RANBP17: variants seen among roughly 807,000 people sequenced by gnomAD.
RANBP17 encodes the protein ran-binding protein 17.
Under a neutral mutation model 141.2 loss-of-function variants are expected in RANBP17, and 158 were observed. The observed-to-expected ratio is 1.12, with a 90% CI of 0.98 to 1.28. RANBP17 has a LOEUF of 1.28. Among genes scored for constraint, RANBP17 ranks in the 50% most tolerant of loss-of-function variants. The probability of loss-of-function intolerance (pLI) is 0.00; values close to 1 mark genes in which losing one functional copy is unlikely to be tolerated. For missense variants in RANBP17, 1,438 were observed against 1,290.7 expected, an observed-to-expected ratio of 1.11 and a Z score of -1.75; for synonymous variants, 430 against 450.0, an observed-to-expected ratio of 0.96 and a Z score of 0.56.
Position 170,886,119 on chromosome 5 carries a change from T to C in RANBP17, c.256+4223T>C, listed in dbSNP as rs1438553724. Among the ~76,000 whole-genome samples, 8 of 152,188 alleles carry C rather than the reference T, an allele frequency of 5.3e-5. No individual in the cohort carries two copies. In the East Asian group the frequency reaches 1.5e-3, roughly 29 times the overall value. On this transcript the variant is annotated intron_variant, in intron 3 of 27. Transcript: ENST00000523189. ...CTCTTCCATAGTGTTGACAATCCTT[T>C]TTATACAGTACCGTGTGTACCGTGT...
At chr5:171,071,470 AAGTCAAGCCAGTGG>A (rs1208519218) in intron 14 of RANBP17, among the ~76,000 whole-genome samples, 2 of 152,026 alleles carry the variant, frequency 1.3e-5, no homozygotes, top group African/African-American at 2.4e-5. Flanking sequence ...AAGGCTACAT[AAGTCAAGCCAGTGG>A]GGTCCTGGCC....
intron 14 of RANBP17, among the ~76,000 whole-genome samples, chr5:170,979,745 A>G (rs1396183790): frequency 6.6e-6 from 1 of 152,210 alleles, no homozygotes; most frequent in Non-Finnish European, 1.5e-5. Flanking sequence ...AAGTCCAGTA[A>G]ACATCTTTCT....
At chr5:171,175,559 T>A (rs1240894939) in intron 16 of RANBP17, among the ~76,000 whole-genome samples, 1 of 151,984 alleles carries the variant, frequency 6.6e-6, no homozygotes, top group Non-Finnish European at 1.5e-5. Flanking sequence ...ATATCCAGAA[T>A]CTACAAGGAA....
chr5:170,991,673 A>C (rs1381707151), intron 14 of RANBP17, among the ~76,000 whole-genome samples: 1 of 151,970 alleles, frequency 6.6e-6, no homozygotes. Context: ...TCTGCGTATC[A>C]GTTTCCTAAC....
chr5:171,033,805 T>C (rs1019911842), intron 14 of RANBP17, among the ~76,000 whole-genome samples: 2 of 152,168 alleles, frequency 1.3e-5, no homozygotes, highest in African/African-American at 4.8e-5. Context: ...GTACTGACTT[T>C]GGAGATAAGA....
intron 14 of RANBP17, among the ~76,000 whole-genome samples, chr5:171,104,757 AT>A (rs1335868050): frequency 1.3e-5 from 2 of 152,230 alleles, no homozygotes; most frequent in African/African-American, 4.8e-5. Flanking sequence ...TACTTACCTT[AT>A]AGGTCTAATG....
In RANBP17 at chr5:171,282,407, CCTT is replaced by C. The variant is rs1191718691; in HGVS notation, c.2944-11473_2944-11471del. On this transcript the variant is annotated intron_variant, in intron 25 of 27. Transcript: ENST00000523189. ...GAAGGCACAGGAGCCAAGCAGGAAA[CCTT>C]CTGTGTCTGTGGCTTCCCAATCCTA... Among the ~76,000 whole-genome samples the C allele has an allele frequency of 7.9e-5, 12 of 152,254 alleles. No homozygotes were observed. In the East Asian group the frequency reaches 1.5e-3, roughly 20 times the overall value.
chr5:171,144,408 G>A (rs1423955687), intron 14 of RANBP17, among the ~76,000 whole-genome samples: 2 of 151,960 alleles, frequency 1.3e-5, no homozygotes, highest in African/African-American at 4.8e-5. Flanking sequence ...GTAAGAAATA[G>A]GGTGCCATTG....
chr5:171,148,199 G>T (rs549499475), intron 14 of RANBP17, among the ~76,000 whole-genome samples: 1 of 152,030 alleles, frequency 6.6e-6, no homozygotes, highest in Non-Finnish European at 1.5e-5. Context: ...CAGCATGCTC[G>T]TTAAGAGTCA....
At chr5:171,018,248 G>T (rs1780594132) in intron 14 of RANBP17, among the ~76,000 whole-genome samples, 1 of 151,930 alleles carries the variant, frequency 6.6e-6, no homozygotes, top group Non-Finnish European at 1.5e-5. Flanking sequence ...GCTCTTTTTT[G>T]GTTCTATATG....
intron 2 of RANBP17, among the ~76,000 whole-genome samples, chr5:170,878,837 A>G (rs369931225): frequency 1.5e-4 from 23 of 152,148 alleles, no homozygotes; most frequent in African/African-American, 5.1e-4. Flanking sequence ...AGAGTTGTCA[A>G]ACTTTTTCTG....
At chr5:171,188,781 G>A (rs568166720) in intron 18 of RANBP17, among the ~76,000 whole-genome samples, 25 of 152,208 alleles carry the variant, frequency 1.6e-4, no homozygotes, top group African/African-American at 5.5e-4. Flanking sequence ...TAGCACTATC[G>A]GAGCCTGCAC....
chr5:170,983,487 CAT>C (rs1245182737), intron 14 of RANBP17, among the ~76,000 whole-genome samples: 1 of 152,088 alleles, frequency 6.6e-6, no homozygotes, highest in Admixed American at 6.5e-5. Flanking sequence ...AATACAGTAT[CAT>C]AAATATGTTA....
At chr5:170,976,837 C>T (rs1777410573) in intron 14 of RANBP17, among the ~76,000 whole-genome samples, 1 of 152,054 alleles carries the variant, frequency 6.6e-6, no homozygotes, top group Non-Finnish European at 1.5e-5. Flanking sequence ...AGTCCTCTCT[C>T]TCACACCATA....
chr5:171,037,600 G>A (rs188945570), intron 14 of RANBP17, among the ~76,000 whole-genome samples: 30 of 152,040 alleles, frequency 2.0e-4, no homozygotes, highest in Admixed American at 5.9e-4. Flanking sequence ...TTAATCGGTC[G>A]AGTTAATTTT....
intron 14 of RANBP17, among the ~76,000 whole-genome samples, chr5:171,132,244 C>A (rs1055356009): frequency 6.6e-6 from 1 of 151,930 alleles, no homozygotes; most frequent in South Asian, 2.1e-4. Context: ...CCCTACCCCC[C>A]ACCCAAGGGA....
At chr5:171,201,549 G>A (rs1762297084) in intron 19 of RANBP17, among the ~76,000 whole-genome samples, 1 of 152,226 alleles carries the variant, frequency 6.6e-6, no homozygotes, top group Non-Finnish European at 1.5e-5. Flanking sequence ...GCTCTTTATT[G>A]CTGATCGTGT....
intron 7 of RANBP17, chr5:170,911,509 A>C: frequency 2.8e-6 from 2 of 717,794 alleles, no homozygotes; most frequent in Non-Finnish European, 5.3e-6. Flanking sequence ...CTTCAGGATC[A>C]GTGTTAGCAA....
At chr5:171,201,213 T>C (rs1762279487) in intron 19 of RANBP17, among the ~76,000 whole-genome samples, 1 of 152,214 alleles carries the variant, frequency 6.6e-6, no homozygotes, top group Non-Finnish European at 1.5e-5. Context: ...CAGCAAGTTC[T>C]TAACGACCCT....
Sources: allele counts gnomAD v4.1 joint callset (sites outside exome capture counted in the v4.1 genomes callset), GRCh38; gene constraint gnomAD v4.1.1; transcripts MANE v1.5; gene names NCBI Gene and HGNC (gene_info 2026-07-23, HGNC 2026-07-21).